The following AGBL4 variants were observed in gnomAD, a reference collection of about 807,000 sequenced individuals.
AGBL4 encodes cytosolic carboxypeptidase 6.
In AGBL4, 58 loss-of-function variants were observed where a neutral mutation model predicts 66.4. The observed-to-expected ratio is 0.87, with a 90% CI of 0.71 to 1.09. The LOEUF is 1.09. Ranked by LOEUF, AGBL4 falls within the 50% of genes least tolerant of loss-of-function variation. The pLI, the probability that AGBL4 is intolerant of heterozygous loss-of-function variation, is 0.00. For synonymous variants in AGBL4, 234 were observed against 222.9 expected, an observed-to-expected ratio of 1.05 and a Z score of -0.44; for missense variants, 579 against 631.0, an observed-to-expected ratio of 0.92 and a Z score of 0.88.
At chr1:48,776,905 G>C (rs1300953420) in intron 6 of AGBL4, 2 of 948,372 alleles carry the variant, frequency 2.1e-6, no homozygotes, top group African/African-American at 3.6e-5. Context: ...GATCCGGCGG[G>C]GGGCGCGAGT....
At chr1:48,747,807 G>T (rs1311733801) in intron 6 of AGBL4, among the ~76,000 whole-genome samples, 1 of 152,164 alleles carries the variant, frequency 6.6e-6, no homozygotes, top group African/African-American at 2.4e-5. Flanking sequence ...TTATGTTTGT[G>T]TGACTTCCGG....
chr1:49,341,206 C>T (rs1243916355), intron 3 of AGBL4, among the ~76,000 whole-genome samples: 1 of 152,018 alleles, frequency 6.6e-6, no homozygotes, highest in East Asian at 1.9e-4. Flanking sequence ...TCCAAAAAAC[C>T]CTCTCTTGGG....
In AGBL4 at chr1:49,948,450, TATAAATATAG is replaced by T. The variant is rs1428007141; in HGVS notation, c.34+75303_34+75312del. On this transcript the variant is annotated intron_variant, in intron 1 of 13. Coordinates refer to ENST00000371839, the MANE Select transcript of AGBL4 (RefSeq NM_032785.4). Reference sequence around the variant, plus strand: ...ATAAATATATAAATATATATAAATATATAAATATAGATAAATATATAAATATATAAATATA... The same window carrying T: ...ATAAATATATAAATATATATAAATATATAAATATATAAATATATAAATATA... 7.5e-4 allele frequency among the ~76,000 whole-genome samples: 44 copies of T among 58,806 alleles called. No homozygotes were observed. The East Asian group carries it at 0.074, about 99-fold the overall frequency. The allele number at this position is 58,806 out of a possible 152,430, so 38.6% of individuals were successfully genotyped here.
chr1:49,006,072 C>T (rs1474268255), intron 5 of AGBL4, among the ~76,000 whole-genome samples: 5 of 151,996 alleles, frequency 3.3e-5, no homozygotes, highest in Non-Finnish European at 7.4e-5. Context: ...CCAGCGTGAG[C>T]GACGCAGAAG....
At chr1:49,104,050 T>C (rs1432913865) in intron 4 of AGBL4, among the ~76,000 whole-genome samples, 1 of 152,144 alleles carries the variant, frequency 6.6e-6, no homozygotes, top group Non-Finnish European at 1.5e-5. Context: ...GTTAGGAACA[T>C]GCTATGCACT....
intron 1 of AGBL4, among the ~76,000 whole-genome samples, chr1:49,871,416 T>C (rs1185389595): frequency 6.6e-6 from 1 of 152,092 alleles, no homozygotes; most frequent in East Asian, 1.9e-4. Context: ...CTTGTTGAAA[T>C]CTTAGAGTTA....
chr1:48,810,950 C>T (rs1007459903), intron 6 of AGBL4, among the ~76,000 whole-genome samples: 9 of 152,166 alleles, frequency 5.9e-5, no homozygotes, highest in Non-Finnish European at 1.0e-4. Flanking sequence ...CTGTGCTTGT[C>T]CAGTGTCTAC....
chr1:49,059,793 C>T (rs7536787), intron 4 of AGBL4, among the ~76,000 whole-genome samples: 82,666 of 151,986 alleles, frequency 0.54, 23,211 homozygotes, highest in Non-Finnish European at 0.62. Context: ...GGAACTTTAA[C>T]ATTCAGTGAC....
At chr1:48,842,365 G>A (rs1646824548) in intron 6 of AGBL4, among the ~76,000 whole-genome samples, 1 of 151,984 alleles carries the variant, frequency 6.6e-6, no homozygotes, top group African/African-American at 2.4e-5. Context: ...AGATCAGAGC[G>A]ATAAATGAAA....
intron 3 of AGBL4, among the ~76,000 whole-genome samples, chr1:49,254,629 A>G (rs1242919863): frequency 6.6e-6 from 1 of 152,110 alleles, no homozygotes; most frequent in Non-Finnish European, 1.5e-5. Flanking sequence ...CTATTAAACT[A>G]CCATTGAGAT....
At chr1:48,615,729 C>T (rs996860317) in intron 9 of AGBL4, among the ~76,000 whole-genome samples, 2 of 152,198 alleles carry the variant, frequency 1.3e-5, no homozygotes, top group East Asian at 1.9e-4. Context: ...CTTCTGCCAT[C>T]GGTTACACCG....
chr1:49,633,343 A>T (rs1645608067), intron 3 of AGBL4, among the ~76,000 whole-genome samples: 1 of 152,198 alleles, frequency 6.6e-6, no homozygotes, highest in Non-Finnish European at 1.5e-5. Context: ...ATGTCTATTT[A>T]ACAATTTAGC....
At chr1:49,009,223 A>G (rs1244764059) in intron 5 of AGBL4, among the ~76,000 whole-genome samples, 1 of 152,042 alleles carries the variant, frequency 6.6e-6, no homozygotes, top group Non-Finnish European at 1.5e-5. Flanking sequence ...AGAAATACAA[A>G]CTACCATCAG....
At chr1:49,372,568 A>G (rs1030872431) in intron 3 of AGBL4, among the ~76,000 whole-genome samples, 2 of 149,522 alleles carry the variant, frequency 1.3e-5, no homozygotes, top group African/African-American at 4.9e-5. Flanking sequence ...TCATCCTTTA[A>G]AGCCCAGTTC....
At chr1:49,104,918 C>A (rs1272335739) in intron 4 of AGBL4, among the ~76,000 whole-genome samples, 1 of 152,160 alleles carries the variant, frequency 6.6e-6, no homozygotes, top group Non-Finnish European at 1.5e-5. Flanking sequence ...ACACAAGAAT[C>A]CTCCTAGAGC....
intron 1 of AGBL4, among the ~76,000 whole-genome samples, chr1:49,911,231 C>T (rs913322177): frequency 6.6e-6 from 1 of 152,038 alleles, no homozygotes; most frequent in African/African-American, 2.4e-5. Flanking sequence ...AAATAATGAG[C>T]TGGACTCGCG....
At chr1:48,546,116 C>T (rs1435694188) in intron 11 of AGBL4, among the ~76,000 whole-genome samples, 2 of 152,102 alleles carry the variant, frequency 1.3e-5, no homozygotes, top group Non-Finnish European at 2.9e-5. Context: ...GAGTTTACTC[C>T]GCAATGCATA....
At chr1:49,078,950 T>C (rs1054302474) in intron 4 of AGBL4, among the ~76,000 whole-genome samples, 2 of 152,016 alleles carry the variant, frequency 1.3e-5, no homozygotes, top group African/African-American at 4.8e-5. Context: ...GACTTCCAAG[T>C]TCTACCTCTC....
intron 3 of AGBL4, among the ~76,000 whole-genome samples, chr1:49,623,753 T>G (rs1446015534): frequency 6.6e-6 from 1 of 152,168 alleles, no homozygotes; most frequent in Non-Finnish European, 1.5e-5. Flanking sequence ...ATTAGCTGGA[T>G]TGTGAGCTCC....
Sources: allele counts gnomAD v4.1 joint callset (sites outside exome capture counted in the v4.1 genomes callset), GRCh38; gene constraint gnomAD v4.1.1; transcripts MANE v1.5; gene names NCBI Gene and HGNC (gene_info 2026-07-23, HGNC 2026-07-21).